PBX4: variants seen among roughly 807,000 people sequenced by gnomAD.
PBX4 encodes pre-B-cell leukemia transcription factor 4.
A neutral mutation model predicts 35.1 loss-of-function variants in PBX4; 26 were observed. The ratio of observed to expected loss-of-function variants is 0.74; its 90% CI spans 0.54 to 1.03. PBX4 has a LOEUF of 1.03. Ranked by LOEUF, PBX4 falls within the 50% of genes least tolerant of loss-of-function variation. PBX4 has a pLI of 0.00. For missense variants in PBX4, 448 were observed against 504.3 expected (o/e 0.89, Z 1.07); for synonymous variants, 199 against 204.2 (o/e 0.97, Z 0.22).
chr19:19,588,523 C>T (rs1027255810), intron 2 of PBX4: 18 of 515,594 alleles, frequency 3.5e-5, no homozygotes, highest in South Asian at 6.9e-5. Flanking sequence ...GTGATCTACC[C>T]GCCTCACCCT....
chr19:19,569,947 T>C (rs1477502083), intron 4 of PBX4, among the ~76,000 whole-genome samples, 162 bp downstream of exon 4: 1 of 152,106 alleles, frequency 6.6e-6, no homozygotes, highest in Admixed American at 6.6e-5. Flanking sequence ...AAAATAAAAA[T>C]GAAAACAGCA....
At chr19:19,569,952 A>G (rs1391820233) in intron 4 of PBX4, 157 bp downstream of exon 4, 2 of 572,374 alleles carry the variant, frequency 3.5e-6, no homozygotes, top group Non-Finnish European at 5.6e-6. Context: ...AAAAATGAAA[A>G]CAGCAATACT....
At chr19:19,575,199 T>C (rs1475519254) in intron 2 of PBX4, among the ~76,000 whole-genome samples, 1 of 147,078 alleles carries the variant, frequency 6.8e-6, no homozygotes, top group Non-Finnish European at 1.5e-5. Context: ...ATTGCGCCAC[T>C]GCACTCCAGC....
intron 1 of PBX4, among the ~76,000 whole-genome samples, chr19:19,609,262 G>C (rs1174025224): frequency 1.3e-5 from 2 of 152,090 alleles, no homozygotes; most frequent in Non-Finnish European, 2.9e-5. Context: ...TAGAAACACA[G>C]TGAAGAGCCA....
intron 5 of PBX4, among the ~76,000 whole-genome samples, chr19:19,565,643 C>G (rs985355329): frequency 7.9e-5 from 12 of 152,066 alleles, no homozygotes; most frequent in African/African-American, 2.9e-4. Context: ...TTTGGCCGGG[C>G]GTGGTGGCTC....
chr19:19,581,876 G>A (rs570712800), intron 2 of PBX4, among the ~76,000 whole-genome samples: 1 of 152,158 alleles, frequency 6.6e-6, no homozygotes, highest in Non-Finnish European at 1.5e-5. Context: ...GAATAGGTGG[G>A]GGCTTCCAAG....
Position 19,570,194 on chromosome 19 carries a change from C to T in PBX4, c.547G>A (p.Gly183Ser), listed in dbSNP as rs748607444. 2.0e-5 allele frequency: 33 copies of T among 1,614,106 alleles called. No homozygotes were observed. Among genetic ancestry groups the T allele is most frequent in the Non-Finnish European group, 2.5e-5 (30 of 1,180,014 alleles). Residue 183 changes from glycine (G) to serine (S), a missense_variant, in exon 4 of 8, where the codon GGC (glycine) becomes AGC (serine). By Grantham distance (56) the Gly-to-Ser change is moderately conservative. Coordinates refer to ENST00000251203, the MANE Select transcript of PBX4 (RefSeq NM_025245.3). ...TGCATCTGGATGGCGCTGAACTTGC[C>T]GTGAATGGCGCCGACCATGCGCTCA... ...EIERMVGAIH[G>S]KFSAIQMQLK...
intron 1 of PBX4, among the ~76,000 whole-genome samples, chr19:19,607,971 A>T (rs547932109): frequency 6.6e-6 from 1 of 152,332 alleles, no homozygotes; most frequent in Admixed American, 6.5e-5. Context: ...ATTTTAGCTG[A>T]CAAAAGCAGT....
At chr19:19,572,826 G>T (rs1173113426) in intron 2 of PBX4, among the ~76,000 whole-genome samples, 1 of 140,904 alleles carries the variant, frequency 7.1e-6, no homozygotes, top group Non-Finnish European at 1.5e-5. Context: ...TGCACTCCAG[G>T]CTGGGTGACA....
At chr19:19,602,358 C>T (rs760678105) in intron 1 of PBX4, among the ~76,000 whole-genome samples, 6 of 152,054 alleles carry the variant, frequency 3.9e-5, no homozygotes, top group Non-Finnish European at 8.8e-5. Flanking sequence ...GAGGAGGAAG[C>T]GGAAGCAGCA....
At chr19:19,588,704 C>T (rs561721905) in intron 2 of PBX4, among the ~76,000 whole-genome samples, 6 of 152,220 alleles carry the variant, frequency 3.9e-5, no homozygotes, top group Non-Finnish European at 7.3e-5. Flanking sequence ...GGCTGAGTCT[C>T]ACACAGGGAG....
At chr19:19,613,184 G>T (rs1568400816) in intron 1 of PBX4, among the ~76,000 whole-genome samples, 1 of 151,714 alleles carries the variant, frequency 6.6e-6, no homozygotes, top group Non-Finnish European at 1.5e-5. Context: ...GTAACTGGCT[G>T]GCAGGGCGTG....
At chr19:19,610,777 T>G (rs2061659039) in intron 1 of PBX4, among the ~76,000 whole-genome samples, 1 of 152,006 alleles carries the variant, frequency 6.6e-6, no homozygotes. Context: ...CCAACACAAT[T>G]CAACTCTTAG....
At chr19:19,598,351 G>A (rs1306531103) in intron 2 of PBX4, among the ~76,000 whole-genome samples, 5 of 140,454 alleles carry the variant, frequency 3.6e-5, no homozygotes, top group Admixed American at 2.3e-4. Flanking sequence ...AGGCTGGAGT[G>A]CAATGGCGCG....
chr19:19,604,403 G>A (rs891956301), intron 1 of PBX4, among the ~76,000 whole-genome samples: 1 of 131,458 alleles, frequency 7.6e-6, no homozygotes, highest in Admixed American at 9.2e-5. Context: ...GGAGGTGGAG[G>A]TTGCAGCGAG....
At chr19:19,565,935 T>TC (rs896456643) in intron 5 of PBX4, among the ~76,000 whole-genome samples, 3 of 151,912 alleles carry the variant, frequency 2.0e-5, no homozygotes, top group African/African-American at 7.3e-5. Flanking sequence ...ATATATTTTT[T>TC]CTTTTTTTTT....
At position 19,618,586 on chromosome 19, in the gene PBX4, C is replaced by T; in HGVS notation, c.44G>A (p.Arg15Gln). 1.5e-6 allele frequency: 2 copies of T among 1,314,474 alleles called. No homozygotes were observed. The highest frequency in any genetic ancestry group is 3.0e-5 in the East Asian group (1 of 33,000). 81.4% of individuals were successfully genotyped at this position (1,314,474 alleles called of 1,614,324 possible). The change falls in exon 1 of 8, where the codon CGG becomes CAG. Residue 15 changes from arginine to glutamine, a missense_variant. Arg to Gln is a conservative substitution (Grantham distance 43). Coordinates refer to ENST00000251203, the MANE Select transcript of PBX4 (RefSeq NM_025245.3). Reference protein sequence around the residue: ...PRPAPSPPAPRRLDTSDVLQQ... With the variant: ...PRPAPSPPAPQRLDTSDVLQQ... ...CAGGACGTCGCTCGTGTCGAGGCGC[C>T]GCGGGGCGGGGGGCGATGGCGCGGG...
At chr19:19,584,677 G>A (rs1354453826) in intron 2 of PBX4, among the ~76,000 whole-genome samples, 1 of 147,458 alleles carries the variant, frequency 6.8e-6, no homozygotes, top group Non-Finnish European at 1.5e-5. Flanking sequence ...CTAAACTGGA[G>A]TGCAGTGGCA....
chr19:19,605,674 T>C (rs1001226714), intron 1 of PBX4, among the ~76,000 whole-genome samples: 1 of 151,738 alleles, frequency 6.6e-6, no homozygotes, highest in Non-Finnish European at 1.5e-5. Context: ...CTCCCTATGT[T>C]GTCCAGACTG....
Sources: allele counts gnomAD v4.1 joint callset (sites outside exome capture counted in the v4.1 genomes callset), GRCh38; gene constraint gnomAD v4.1.1; transcripts MANE v1.5; gene names NCBI Gene and HGNC (gene_info 2026-07-23, HGNC 2026-07-21).